TASOR: variants seen among roughly 807,000 people sequenced by gnomAD.
TASOR encodes the protein transcription activation suppressor.
Under a neutral mutation model 178.6 loss-of-function variants are expected in TASOR, and 53 were observed. That is an observed-to-expected ratio of 0.30 (90% CI 0.24 to 0.37). TASOR has a LOEUF of 0.37. Among genes scored for constraint, TASOR ranks in the 10% least tolerant of loss-of-function variants. The pLI is 1.00. For missense variants in TASOR, 1,815 were observed against 1,971.4 expected, an observed-to-expected ratio of 0.92 and a Z score of 1.50; for synonymous variants, 713 against 696.2, an observed-to-expected ratio of 1.02 and a Z score of -0.38.
intron 15 of TASOR, 22 bp downstream of exon 15, chr3:56,641,327 T>A: frequency 6.4e-7 from 1 of 1,560,262 alleles, no homozygotes. Context: ...AACACAAAGG[T>A]AACCAACAGC....
chr3:56,673,771 C>T (rs1379092323), intron 1 of TASOR, 46 bp from the exon 2 acceptor site: 2 of 1,439,954 alleles, frequency 1.4e-6, no homozygotes, highest in Non-Finnish European at 1.9e-6. Flanking sequence ...ATTACTCCAT[C>T]TTAAATATAG....
chr3:56,674,825 ATTGT>A (rs1183365234), intron 1 of TASOR, among the ~76,000 whole-genome samples: 9 of 152,294 alleles, frequency 5.9e-5, no homozygotes, highest in South Asian at 4.1e-4. Flanking sequence ...ATAGTAGGAC[ATTGT>A]TTGTTTTGAG....
chr3:56,639,074 A>G (rs2077070558), intron 16 of TASOR, among the ~76,000 whole-genome samples: 1 of 152,142 alleles, frequency 6.6e-6, no homozygotes. Flanking sequence ...TCCCTCTATC[A>G]TCACCTACAG....
rs1269108711 is a variant in TASOR at position 56,668,598 on chromosome 3, A to G, written c.736-40T>C. On this transcript the variant is annotated intron_variant, in intron 5 of 23. Coordinates refer to ENST00000683822, the MANE Select transcript of TASOR (RefSeq NM_001365635.2). The stretch of plus-strand genomic sequence containing the variant: ...ACCTTTTAAGTGTCTACCTAAACCT[A>G]ATTGTTGACTATATAACATTAATAT... 3.0e-6 allele frequency: 4 copies of G among 1,333,588 alleles called. No homozygotes were observed. The Admixed American group carries it at 7.6e-5, about 25-fold the overall frequency. 82.6% of individuals were successfully genotyped at this position (1,333,588 alleles called of 1,614,324 possible).
chr3:56,629,203 A>C lies in TASOR; in HGVS notation c.3748-589T>G, dbSNP rs1049806635. 1.3e-5 allele frequency: 2 copies of C among 152,246 alleles called. 1 individual carries two copies. The highest frequency in any genetic ancestry group is 1.3e-4 in the Admixed American group (2 of 15,286). 9.4% of individuals were successfully genotyped at this position (152,246 alleles called of 1,614,324 possible). A position where few individuals can be genotyped will look rare whatever the true frequency, so the allele number is the denominator to read the frequency against. On this transcript the variant is annotated intron_variant, in intron 18 of 23. Transcript: ENST00000683822. ...CAGCACTATGCAAAGCCAGCCAAGT[A>C]ACAGTGTGAGTTAACAGAAAGAACT... is the stretch of plus-strand genomic sequence containing the variant.
intron 1 of TASOR, among the ~76,000 whole-genome samples, chr3:56,675,990 A>G (rs951351822): frequency 7.9e-5 from 12 of 152,256 alleles, no homozygotes; most frequent in Non-Finnish European, 1.8e-4. Context: ...GCACGAAAAA[A>G]ATAGTCAACA....
intron 14 of TASOR, among the ~76,000 whole-genome samples, chr3:56,644,670 A>G (rs1559829812): frequency 1.3e-5 from 2 of 149,232 alleles, no homozygotes; most frequent in South Asian, 4.2e-4. Flanking sequence ...TGAGAAGAAC[A>G]TGATACTGAA....
chr3:56,674,156 T>C (rs370962846), intron 1 of TASOR, among the ~76,000 whole-genome samples: 3 of 146,602 alleles, frequency 2.0e-5, no homozygotes, highest in East Asian at 4.0e-4. Flanking sequence ...AGACGTTATG[T>C]GAAGTAACAA....
intron 5 of TASOR, among the ~76,000 whole-genome samples, chr3:56,669,411 G>A (rs1345683750): frequency 6.6e-6 from 1 of 151,706 alleles, no homozygotes; most frequent in African/African-American, 2.4e-5. Context: ...GTTGAAGCAG[G>A]AGAATGGCAT....
Position 56,633,735 on chromosome 3 carries a change from C to T in TASOR, c.3056G>A (p.Arg1019Lys), listed in dbSNP as rs1200200936. The change falls in exon 18 of 24, where the codon AGG (arginine) becomes AAG (lysine). Residue 1019 changes from arginine to lysine, a missense_variant. Around this residue, in one of 5 missense-constraint regions of TASOR, gnomAD observed 655 missense variants for 671.1 expected, o/e 0.98. Coordinates refer to ENST00000683822, the MANE Select transcript of TASOR (RefSeq NM_001365635.2). ...EPPAVSETTE[R>K]TVLGEYNLFS... ...GAGATTGTACTCTCCTAACACTGTC[C>T]TCTCTGTGGTTTCGCTCACTGCAGG... 6 of 1,614,026 alleles carry T rather than the reference C, an allele frequency of 3.7e-6. No homozygotes were observed. Among genetic ancestry groups the T allele is most frequent in the African/African-American group, 2.7e-5 (2 of 74,914 alleles).
At position 56,623,432 on chromosome 3, in the gene TASOR, C is replaced by G. The variant is rs2076731860; in HGVS notation, c.4618G>C (p.Asp1540His). ...EKETKGSRGT[D>H]QKKNTQIELQ... Reference sequence around the variant, plus strand: ...TCAATTTGAGTATTCTTTTTTTGATCTGTTCCACGTGATCCTTTGGTCTCT... The same window carrying G: ...TCAATTTGAGTATTCTTTTTTTGATGTGTTCCACGTGATCCTTTGGTCTCT... The change falls in exon 24 of 24, where the codon GAT (aspartate) becomes CAT (histidine). Residue 1540 changes from aspartate to histidine, a missense_variant. Around this residue, in one of 5 missense-constraint regions of TASOR, gnomAD observed 278 missense variants for 257.1 expected, o/e 1.08. Transcript: ENST00000683822. The G allele has an allele frequency of 6.2e-7, 1 of 1,613,504 alleles. No individual in the cohort carries two copies. Among genetic ancestry groups the G allele is most frequent in the African/African-American group, 1.3e-5 (1 of 74,892 alleles).
chr3:56,628,736 G>C, intron 18 of TASOR, 122 bp from the exon 19 acceptor site: 2 of 647,424 alleles, frequency 3.1e-6, no homozygotes, highest in Non-Finnish European at 5.1e-6. Flanking sequence ...AACAATGAAT[G>C]AACTTACACT....
In TASOR at chr3:56,666,628, T is replaced by C. The variant is rs141423911; in HGVS notation, c.898-244A>G. On this transcript the variant is annotated intron_variant, in intron 6 of 23. Transcript: ENST00000683822. ...ACTAACTATTCCAAAAGTTTACTTC[T>C]GAAGAGTTGACCACCGGGAGTTTCC... Among the ~76,000 whole-genome samples, 1,150 of 152,338 alleles carry C rather than the reference T, an allele frequency of 7.5e-3. 8 individuals are homozygous for C. Among genetic ancestry groups the C allele is most frequent in the Middle Eastern group, 0.02 (6 of 294 alleles).
chr3:56,653,498 T>G (rs751941029), intron 11 of TASOR, among the ~76,000 whole-genome samples: 21 of 147,594 alleles, frequency 1.4e-4, no homozygotes, highest in African/African-American at 2.0e-4. Flanking sequence ...GCAGGGGACC[T>G]ACAAAGGAAC....
intron 11 of TASOR, among the ~76,000 whole-genome samples, chr3:56,656,951 G>A (rs960476664): frequency 4.0e-5 from 6 of 150,470 alleles, no homozygotes; most frequent in Admixed American, 6.6e-5. Context: ...AGGAGGTTGC[G>A]GTGAGCCGAG....
At chr3:56,645,741 T>C (rs1240484535) in intron 14 of TASOR, among the ~76,000 whole-genome samples, 1 of 152,018 alleles carries the variant, frequency 6.6e-6, no homozygotes, top group Non-Finnish European at 1.5e-5. Flanking sequence ...ATTCTTGGGG[T>C]AGAAAAGAGT....
rs542651106 is a variant in TASOR, at chr3:56,665,865, G to C, written c.1022+395C>G. Among the ~76,000 whole-genome samples, 11 of 152,094 alleles carry C rather than the reference G, an allele frequency of 7.2e-5. 1 individual carries two copies. In the South Asian group the frequency reaches 2.3e-3, roughly 32 times the overall value. On this transcript the variant is annotated intron_variant, in intron 7 of 23. Transcript: ENST00000683822. ...TATGTGCCTGTAGTCCCAGCTACTC[G>C]GGAGGCTGAGGCAGAATGGCGTGAA...
chr3:56,649,083 TTG>T, intron 11 of TASOR, 26 bp from the exon 12 acceptor site: 2 of 1,528,602 alleles, frequency 1.3e-6, no homozygotes, highest in South Asian at 2.4e-5. Context: ...AAGGAAGAAG[TTG>T]TATCTGCTTT....
rs1450026255 is a variant in TASOR, at chr3:56,633,944, T to C, written c.2847A>G (p.Gln949=). 6.5e-7 allele frequency: 1 copy of C among 1,550,330 alleles called. No homozygotes were observed. Among genetic ancestry groups the C allele is most frequent in the Admixed American group, 2.0e-5 (1 of 50,568 alleles). Residue 949 remains glutamine, a synonymous_variant, in exon 18 of 24, where the codon CAA becomes CAG. Coordinates refer to ENST00000683822, the MANE Select transcript of TASOR (RefSeq NM_001365635.2). Reference sequence around the variant, plus strand: ...CCTCCTGTGGTGGCACACACACCAGTTGTTCTTCTGGTGATTTCATACCTA... The same window carrying C: ...CCTCCTGTGGTGGCACACACACCAGCTGTTCTTCTGGTGATTTCATACCTA... ...QTPGMKSPEE[Q]LVCVPPQEAF...
Sources: gnomAD v4.1 joint callset for allele counts (sites outside exome capture counted in the v4.1 genomes callset) on GRCh38, gnomAD v4.1.1 for gene constraint, gnomAD v4.1.1 regional missense constraint, MANE v1.5 for transcripts, NCBI Gene and HGNC (gene_info 2026-07-23, HGNC 2026-07-21) for gene names.